Variants in PZP observed in about 807,000 individuals in gnomAD.
PZP encodes the protein PZP alpha-2-macroglobulin like, also known as pregnancy zone protein.
Under a neutral mutation model 179.8 loss-of-function variants are expected in PZP, and 150 were observed. The observed-to-expected ratio is 0.83, with a 90% CI of 0.73 to 0.96. The LOEUF (loss-of-function observed/expected upper bound fraction) is 0.96. Ranked by LOEUF, PZP falls within the 40% of genes least tolerant of loss-of-function variation. PZP has a pLI of 0.00. For synonymous variants in PZP, 624 were observed against 652.3 expected (o/e 0.96, Z 0.66); for missense variants, 1,689 against 1,764.0 (o/e 0.96, Z 0.76).
Position 9,196,935 on chromosome 12 carries a change from CCT to C in PZP, c.867+75_867+76del, listed in dbSNP as rs1483629374. ...TTTTGCGACAAGCTTGTCCTGATGC[CCT>C]CTTTCTAGTTAGTAAAATGGAGTCT... On this transcript the variant is annotated intron_variant, in intron 8 of 35. Coordinates refer to ENST00000261336, the MANE Select transcript of PZP (RefSeq NM_002864.3). 3.5e-6 allele frequency: 4 copies of C among 1,144,006 alleles called. No individual in the cohort carries two copies. The East Asian group carries it at 9.4e-5, about 27-fold the overall frequency. The allele number at this position is 1,144,006 out of a possible 1,614,324, so 70.9% of individuals were successfully genotyped here.
At chr12:9,203,623 G>C (rs1205320953) in intron 2 of PZP, 145 bp downstream of exon 2, 3 of 912,382 alleles carry the variant, frequency 3.3e-6, no homozygotes, top group Non-Finnish European at 4.9e-6. Context: ...TTACAGGCGT[G>C]AGCCACCGCA....
intron 1 of PZP, among the ~76,000 whole-genome samples, chr12:9,207,383 G>C (rs1178677558): frequency 1.3e-5 from 2 of 152,188 alleles, no homozygotes; most frequent in Admixed American, 1.3e-4. Context: ...AAATGTAAAG[G>C]CAGCTGGGTT....
chr12:9,191,057 A>G (rs147923111), intron 13 of PZP, among the ~76,000 whole-genome samples: 1 of 152,142 alleles, frequency 6.6e-6, no homozygotes, highest in Admixed American at 6.5e-5. Context: ...ATTTTTTCCA[A>G]TTGTTGACTC....
intron 27 of PZP, 152 bp from the exon 28 acceptor site, chr12:9,157,507 C>T (rs1414431453): frequency 2.5e-5 from 21 of 830,728 alleles, no homozygotes; most frequent in South Asian, 1.9e-4. Context: ...AAAAATATTT[C>T]GATCTCTTCC....
intron 14 of PZP, 36 bp from the exon 15 acceptor site, chr12:9,181,168 C>A (rs761853618): frequency 6.2e-7 from 1 of 1,613,316 alleles, no homozygotes; most frequent in Admixed American, 1.7e-5. Context: ...CCAGTGTTTT[C>A]CCTACTTCTG....
At chr12:9,157,973 C>T (rs900069629) in intron 26 of PZP, 132 bp from the exon 27 acceptor site, 9 of 775,410 alleles carry the variant, frequency 1.2e-5, no homozygotes, top group African/African-American at 8.8e-5. Context: ...CTCTCTCTCT[C>T]GACAGGTTCT....
intron 13 of PZP, among the ~76,000 whole-genome samples, chr12:9,185,767 G>C (rs1943060543): frequency 9.8e-6 from 1 of 101,922 alleles, no homozygotes; most frequent in Admixed American, 1.1e-4. Context: ...CAAGCCATAA[G>C]AGATTTGGGG....
chr12:9,192,511 C>A lies in PZP; in HGVS notation c.1482+1G>T. 1.2e-6 allele frequency: 2 copies of A among 1,609,856 alleles called. No homozygotes were observed. The highest frequency in any genetic ancestry group is 1.7e-6 in the Non-Finnish European group (2 of 1,176,258). ...ATTGTATTCCATGGCCTCATTCTTA[C>A]CAGGTAATGGAAACTGAGCTCCGAT... On this transcript the variant is annotated splice_donor_variant, in intron 12 of 35. Transcript: ENST00000261336. LOFTEE classifies it high-confidence loss of function.
At chr12:9,145,708 G>A (rs1939975226), downstream of PZP, among the ~76,000 whole-genome samples, 1 of 152,062 alleles carries the variant, frequency 6.6e-6, no homozygotes. Flanking sequence ...ACTCTCTTTA[G>A]CATTTCTGGT....
At chr12:9,157,680 C>T in intron 27 of PZP, 87 bp downstream of exon 27, 11 of 1,218,432 alleles carry the variant, frequency 9.0e-6, no homozygotes, top group Non-Finnish European at 1.3e-5. Flanking sequence ...CCAAAAGATA[C>T]TTGAGACTCA....
At chr12:9,150,524 T>A in intron 34 of PZP, 120 bp downstream of exon 34, 1 of 668,340 alleles carries the variant, frequency 1.5e-6, no homozygotes, top group Non-Finnish European at 2.5e-6. Flanking sequence ...ATAGTGTACA[T>A]CTTGGAGGAA....
Position 9,200,373 on chromosome 12 carries a change from A to C in PZP, c.746T>G (p.Val249Gly). The change falls in exon 7 of 36, where the codon GTC (valine) becomes GGC (glycine). Residue 249 changes from valine (V) to glycine (G), a missense_variant. Coordinates refer to ENST00000261336, the MANE Select transcript of PZP (RefSeq NM_002864.3). ...AAACAATGTAACTCACTCTCCACAGACTGTTATGTTCACTTTTTCATCCAT... is the reference window on the plus strand; with the variant it reads ...AAACAATGTAACTCACTCTCCACAGCCTGTTATGTTCACTTTTTCATCCAT... ...SIMDEKVNIT[V>G]CGEYTYGKPV... is the part of the protein sequence containing the mutation. 3 of 1,603,276 alleles carry C rather than the reference A, an allele frequency of 1.9e-6. No individual in the cohort carries two copies. The highest frequency in any genetic ancestry group is 2.6e-6 in the Non-Finnish European group (3 of 1,171,040).
intron 11 of PZP, among the ~76,000 whole-genome samples, chr12:9,193,231 T>C (rs925109153): frequency 3.9e-5 from 6 of 152,220 alleles, no homozygotes; most frequent in African/African-American, 1.4e-4. Flanking sequence ...TTTCTGAAAC[T>C]TTAAGCCTTG....
intron 28 of PZP, among the ~76,000 whole-genome samples, chr12:9,156,545 A>C (rs143186918): frequency 2.0e-5 from 3 of 152,348 alleles, no homozygotes; most frequent in Non-Finnish European, 4.4e-5. Context: ...GGGGTATGGA[A>C]GAGCTGTTGT....
Position 9,157,348 on chromosome 12 carries a change from A to G in PZP, c.3377T>C (p.Ile1126Thr), listed in dbSNP as rs948063863. Reference sequence around the variant, plus strand: ...CAGGCAGAACAGGGCATTGCGAACAATAGGGTTCTGTAAAGGCAAAATGTG... The same window carrying G: ...CAGGCAGAACAGGGCATTGCGAACAGTAGGGTTCTGTAAAGGCAAAATGTG... ...LEIPLPVTNP[I>T]VRNALFCLES... The change falls in exon 28 of 36, where the codon ATT becomes ACT. Residue 1126 changes from isoleucine to threonine, a missense_variant. Around this residue, in one of 3 missense-constraint regions of PZP, gnomAD observed 746 missense variants for 749.2 expected, o/e 1.00. Coordinates refer to ENST00000261336, the MANE Select transcript of PZP (RefSeq NM_002864.3). The G allele has an allele frequency of 6.2e-7, 1 of 1,612,650 alleles. No homozygotes were observed.
chr12:9,159,002 T>C (rs1056261002), intron 25 of PZP, among the ~76,000 whole-genome samples: 4 of 152,206 alleles, frequency 2.6e-5, no homozygotes, highest in African/African-American at 9.7e-5. Context: ...TCAGTAAATA[T>C]TTCCCTCCAT....
At chr12:9,173,954 G>T (rs778952718) in intron 15 of PZP, among the ~76,000 whole-genome samples, 2 of 152,190 alleles carry the variant, frequency 1.3e-5, no homozygotes, top group Non-Finnish European at 2.9e-5. Context: ...TGAAAAGGAG[G>T]GACTCCTCGC....
intron 15 of PZP, among the ~76,000 whole-genome samples, chr12:9,173,644 A>G (rs760052818): frequency 6.6e-6 from 1 of 152,322 alleles, no homozygotes; most frequent in East Asian, 1.9e-4. Context: ...TGATAGGGGA[A>G]TATCACCACT....
intron 21 of PZP, 76 bp downstream of exon 21, chr12:9,163,592 G>A: frequency 6.7e-7 from 1 of 1,490,836 alleles, no homozygotes; most frequent in Non-Finnish European, 9.2e-7. Context: ...TGATATTAAT[G>A]GTTCTTTGTT....
Sources: gnomAD v4.1 joint callset for allele counts (sites outside exome capture counted in the v4.1 genomes callset) on GRCh38, gnomAD v4.1.1 for gene constraint, gnomAD v4.1.1 regional missense constraint, MANE v1.5 for transcripts, NCBI Gene and HGNC (gene_info 2026-07-23, HGNC 2026-07-21) for gene names.